Variants in NELL1 observed in about 807,000 individuals in gnomAD.
NELL1 encodes protein kinase C-binding protein NELL1.
In NELL1, 76 loss-of-function variants were observed where a neutral mutation model predicts 107.4. The ratio of observed to expected loss-of-function variants is 0.71; its 90% CI spans 0.59 to 0.86. The LOEUF is 0.86. NELL1 is among the 40% of genes least tolerant of loss of function. NELL1 has a pLI of 0.00. For synonymous variants in NELL1, 353 were observed against 341.2 expected (o/e 1.03, Z -0.38); for missense variants, 1,024 against 1,005.5 (o/e 1.02, Z -0.25).
chr11:20,841,415 G>T (rs1215121996), intron 3 of NELL1, among the ~76,000 whole-genome samples: 1 of 151,714 alleles, frequency 6.6e-6, no homozygotes, highest in African/African-American at 2.4e-5. Context: ...CAGTGCCCAG[G>T]GAGAAGGCGG....
chr11:21,491,051 C>T (rs566413174), intron 15 of NELL1, among the ~76,000 whole-genome samples: 18 of 152,114 alleles, frequency 1.2e-4, no homozygotes, highest in African/African-American at 4.1e-4. Flanking sequence ...ACTGTCTATC[C>T]AAGGGACTAA....
intron 2 of NELL1, among the ~76,000 whole-genome samples, chr11:20,721,463 T>G (rs1184045710): frequency 1.3e-5 from 2 of 151,992 alleles, no homozygotes; most frequent in Non-Finnish European, 2.9e-5. Flanking sequence ...GCAACTGCTA[T>G]AAGGAGGCTT....
chr11:20,803,599 T>A (rs1388615582), intron 3 of NELL1, among the ~76,000 whole-genome samples: 12 of 152,230 alleles, frequency 7.9e-5, no homozygotes, highest in African/African-American at 2.7e-4. Flanking sequence ...TGAGTTTGGT[T>A]TGGTCTTGCT....
intron 14 of NELL1, among the ~76,000 whole-genome samples, chr11:21,340,929 A>T (rs1458594563): frequency 6.6e-6 from 1 of 151,986 alleles, no homozygotes; most frequent in South Asian, 2.1e-4. Flanking sequence ...TAGTAAATCA[A>T]CGTACCTATT....
chr11:21,114,557 T>C (rs1196212208), intron 13 of NELL1, among the ~76,000 whole-genome samples: 1 of 151,542 alleles, frequency 6.6e-6, no homozygotes, highest in Non-Finnish European at 1.5e-5. Flanking sequence ...TTTAATGTAC[T>C]TTTTTTTTCT....
At chr11:21,513,805 T>C (rs945823357) in intron 15 of NELL1, among the ~76,000 whole-genome samples, 3 of 152,196 alleles carry the variant, frequency 2.0e-5, no homozygotes, top group Admixed American at 6.5e-5. Context: ...ATAAAATACA[T>C]GGTTCCATAG....
At chr11:21,058,213 G>C (rs1325021759) in intron 12 of NELL1, among the ~76,000 whole-genome samples, 1 of 151,966 alleles carries the variant, frequency 6.6e-6, no homozygotes, top group Admixed American at 6.6e-5. Context: ...TCTGGTTTAG[G>C]CATACAGATT....
intron 4 of NELL1, among the ~76,000 whole-genome samples, chr11:20,855,970 A>G (rs1020849369): frequency 6.6e-6 from 1 of 152,248 alleles, no homozygotes; most frequent in Non-Finnish European, 1.5e-5. Flanking sequence ...CGGATTTTCT[A>G]TACTACTGTA....
At chr11:20,739,407 T>G (rs1180692206) in intron 2 of NELL1, among the ~76,000 whole-genome samples, 3 of 50,128 alleles carry the variant, frequency 6.0e-5, no homozygotes, top group African/African-American at 1.8e-4. Context: ...AGCCAAATGC[T>G]CAACATTAAA....
chr11:21,493,748 G>A (rs555989636), intron 15 of NELL1, among the ~76,000 whole-genome samples: 1 of 152,032 alleles, frequency 6.6e-6, no homozygotes, highest in East Asian at 1.9e-4. Context: ...TTGAAGAGAG[G>A]ACTTGAAATG....
chr11:21,160,792 C>T (rs970758286), intron 13 of NELL1, among the ~76,000 whole-genome samples: 14 of 152,064 alleles, frequency 9.2e-5, no homozygotes, highest in Non-Finnish European at 1.9e-4. Context: ...CCACAGTATT[C>T]GTTACCTAAT....
At chr11:21,089,582 G>C (rs535119223) in intron 12 of NELL1, among the ~76,000 whole-genome samples, 10 of 152,234 alleles carry the variant, frequency 6.6e-5, no homozygotes, top group African/African-American at 2.2e-4. Context: ...AATTAACAAA[G>C]GCTGTTTATT....
rs536205050 is a variant in NELL1 at position 20,780,954 on chromosome 11, C to T, written c.185-2726C>T. Among the ~76,000 whole-genome samples the T allele has an allele frequency of 3.3e-5, 5 of 152,282 alleles. No individual in the cohort carries two copies. In the South Asian group the frequency reaches 1.0e-3, roughly 32 times the overall value. ...CATGCTGAAGGGACTGGATTTTATC[C>T]TATGAGCAATGGGAAGCCATTGGAG... On this transcript the variant is annotated intron_variant, in intron 2 of 19. Transcript: ENST00000357134.
chr11:21,218,500 A>G (rs1293481524), intron 13 of NELL1, among the ~76,000 whole-genome samples: 1 of 152,166 alleles, frequency 6.6e-6, no homozygotes, highest in East Asian at 1.9e-4. Context: ...GGAAAATTCA[A>G]AATTCTATTT....
chr11:21,250,589 A>G (rs1265736184), intron 14 of NELL1, among the ~76,000 whole-genome samples: 1 of 152,212 alleles, frequency 6.6e-6, no homozygotes, highest in Non-Finnish European at 1.5e-5. Flanking sequence ...TTTGGCTGAT[A>G]GGAATTTAGA....
intron 14 of NELL1, among the ~76,000 whole-genome samples, chr11:21,241,904 A>ATTT (rs10652603): frequency 0.054 from 7,300 of 134,038 alleles, 279 homozygotes; most frequent in East Asian, 0.077. Flanking sequence ...GTCTGTTTCT[A>ATTT]TTTTTTTTTT....
intron 7 of NELL1, among the ~76,000 whole-genome samples, chr11:20,924,160 T>C (rs1216979870): frequency 6.6e-6 from 1 of 152,220 alleles, no homozygotes; most frequent in Non-Finnish European, 1.5e-5. Context: ...TGAATGTGTA[T>C]AAATTCAGCA....
chr11:20,709,482 C>T (rs979626061), intron 2 of NELL1, among the ~76,000 whole-genome samples: 12 of 152,080 alleles, frequency 7.9e-5, no homozygotes, highest in Non-Finnish European at 1.8e-4. Context: ...GTGATGCCTT[C>T]AAATTTGTTC....
chr11:21,319,441 T>TGTG (rs1301300731), intron 14 of NELL1, among the ~76,000 whole-genome samples: 1 of 149,838 alleles, frequency 6.7e-6, no homozygotes, highest in Non-Finnish European at 1.5e-5. Context: ...CCACCTGCCT[T>TGTG]GACCTTCCAA....
Sources: allele counts gnomAD v4.1 joint callset (sites outside exome capture counted in the v4.1 genomes callset), GRCh38; gene constraint gnomAD v4.1.1; transcripts MANE v1.5; gene names NCBI Gene and HGNC (gene_info 2026-07-23, HGNC 2026-07-21).